Variants in PCDHA13 observed in about 807,000 individuals in gnomAD.
PCDHA13 encodes the protein protocadherin alpha 13.
In PCDHA13, 54 loss-of-function variants were observed where a neutral mutation model predicts 64.8. The ratio of observed to expected loss-of-function variants is 0.83; its 90% CI spans 0.67 to 1.04. The LOEUF is 1.04. PCDHA13 is among the 50% of genes least tolerant of loss of function. The pLI, the probability that PCDHA13 is intolerant of heterozygous loss-of-function variation, is 0.00. For synonymous variants in PCDHA13, 587 were observed against 564.4 expected (o/e 1.04, Z -0.57); for missense variants, 1,248 against 1,254.3 (o/e 0.99, Z 0.08).
chr5:140,902,637 C>T (rs1554190530), intron 1 of PCDHA13, among the ~76,000 whole-genome samples: 1 of 151,910 alleles, frequency 6.6e-6, no homozygotes, highest in Non-Finnish European at 1.5e-5. Context: ...GTGGTGATTT[C>T]TGAGATTTTG....
intron 2 of PCDHA13, among the ~76,000 whole-genome samples, chr5:140,979,642 A>G (rs1364696351): frequency 2.0e-5 from 3 of 152,188 alleles, no homozygotes; most frequent in South Asian, 2.1e-4. Flanking sequence ...ATTAAATATA[A>G]TTTTGCTTTC....
rs1554181105 is a variant in PCDHA13 at position 140,884,042 on chromosome 5, G to A, written c.1774G>A (p.Ala592Thr). 4 of 1,613,464 alleles carry A rather than the reference G, an allele frequency of 2.5e-6. No individual in the cohort carries two copies. Among genetic ancestry groups the A allele is most frequent in the Non-Finnish European group, 3.4e-6 (4 of 1,179,734 alleles). Residue 592 changes from alanine (A) to threonine (T), a missense_variant, in exon 1 of 4, where the codon GCG becomes ACG. Ala to Thr is a moderately conservative substitution (Grantham distance 58, BLOSUM62 0). Coordinates refer to ENST00000289272, the MANE Select transcript of PCDHA13 (RefSeq NM_018904.3). ...GTCGGTGGGTGCAGGCCACGTGGTG[G>A]CGAAGGTGCGCGCGGTGGACGCCGA... ...PRSVGAGHVV[A>T]KVRAVDADSG... is the part of the protein sequence containing the mutation.
intron 1 of PCDHA13, among the ~76,000 whole-genome samples, chr5:140,924,240 G>T (rs1554201838): frequency 2.6e-5 from 4 of 152,186 alleles, no homozygotes; most frequent in Non-Finnish European, 5.9e-5. Flanking sequence ...GGGCTGTTTT[G>T]CATCCTGGTG....
At chr5:140,995,452 G>C (rs1400573812) in intron 3 of PCDHA13, among the ~76,000 whole-genome samples, 1 of 152,098 alleles carries the variant, frequency 6.6e-6, no homozygotes, top group African/African-American at 2.4e-5. Context: ...CTTATGAATT[G>C]TTTATTTTTG....
Position 140,956,288 on chromosome 5 carries a change from C to A in PCDHA13, c.2395-22661C>A, listed in dbSNP as rs115259112. The stretch of plus-strand genomic sequence containing the variant: ...AGTGTGGTATTGGCTGTGGGTTTAT[C>A]ATATATATGGCTCTTATTATTTTGA... On this transcript the variant is annotated intron_variant, in intron 1 of 3. Transcript: ENST00000289272. Among the ~76,000 whole-genome samples, 994 of 152,174 alleles carry A rather than the reference C, an allele frequency of 6.5e-3. 6 individuals carry two copies. Among genetic ancestry groups the A allele is most frequent in the African/African-American group, 0.022 (916 of 41,532 alleles).
chr5:140,993,509 C>CAT (rs1488940144), intron 3 of PCDHA13, among the ~76,000 whole-genome samples: 3 of 143,600 alleles, frequency 2.1e-5, no homozygotes, highest in African/African-American at 7.8e-5. Flanking sequence ...CACACACACA[C>CAT]GGGGAGAGAG....
chr5:141,012,183 A>G lies in PCDHA13; in HGVS notation c.*2246A>G, dbSNP rs1554263839. The stretch of plus-strand genomic sequence containing the variant: ...TAATTTATTAATGATGATAATTATA[A>G]TGTATCTGTACAGCACTTTTTACAT... On this transcript the variant is annotated 3_prime_UTR_variant, in exon 4 of 4. Coordinates refer to ENST00000289272, the MANE Select transcript of PCDHA13 (RefSeq NM_018904.3). The G allele has an allele frequency of 6.5e-6, 1 of 153,782 alleles. No homozygotes were observed. Among genetic ancestry groups the G allele is most frequent in the Admixed American group, 6.5e-5 (1 of 15,280 alleles). 9.5% of individuals were successfully genotyped at this position (153,782 alleles called of 1,614,324 possible). A position where few individuals can be genotyped will look rare whatever the true frequency, so the allele number is the denominator to read the frequency against.
chr5:140,882,699 A>C lies in PCDHA13; in HGVS notation c.431A>C (p.Glu144Ala). The C allele has an allele frequency of 1.9e-6, 3 of 1,614,184 alleles. No homozygotes were observed. The highest frequency in any genetic ancestry group is 1.1e-5 in the South Asian group (1 of 91,084). ...AGCAAGAAACGAATAATCATTGCAG[A>C]ATCTAGACCTCCGGAAACTCGATTT... ...PESKKRIIIAESRPPETRFPL... is the reference protein window; with the variant it reads ...PESKKRIIIAASRPPETRFPL... The change falls in exon 1 of 4, where the codon GAA (glutamate) becomes GCA (alanine). Residue 144 changes from glutamate (E) to alanine (A), a missense_variant. Transcript: ENST00000289272.
chr5:140,986,736 A>C (rs1056820843), intron 3 of PCDHA13, among the ~76,000 whole-genome samples: 1 of 152,206 alleles, frequency 6.6e-6, no homozygotes, highest in South Asian at 2.1e-4. Context: ...TCAAGACCCC[A>C]GGGGATCTGG....
rs1354537383 is a variant in PCDHA13 at position 140,982,283 on chromosome 5, A to G, written c.2454-192A>G. On this transcript the variant is annotated intron_variant, in intron 2 of 3. Coordinates refer to ENST00000289272, the MANE Select transcript of PCDHA13 (RefSeq NM_018904.3). The stretch of plus-strand genomic sequence containing the variant: ...TGTTCCTGGAATAGTATAGCAGGCA[A>G]TAAGTAAGTCAGCAATGCTTCTGCA... 1.7e-5 allele frequency: 18 copies of G among 1,044,438 alleles called. No homozygotes were observed. In the East Asian group the frequency reaches 2.7e-4, roughly 16 times the overall value. 64.7% of individuals were successfully genotyped at this position (1,044,438 alleles called of 1,614,324 possible).
intron 1 of PCDHA13, among the ~76,000 whole-genome samples, chr5:140,932,345 C>G (rs1332373274): frequency 6.6e-6 from 1 of 151,820 alleles, no homozygotes; most frequent in African/African-American, 2.4e-5. Context: ...AAACACTTAC[C>G]ATACAACTGG....
intron 1 of PCDHA13, among the ~76,000 whole-genome samples, chr5:140,907,247 T>C (rs1328809549): frequency 1.3e-5 from 2 of 152,216 alleles, no homozygotes; most frequent in Non-Finnish European, 2.9e-5. Context: ...GACATTGTAA[T>C]TGTGACTTCA....
intron 1 of PCDHA13, among the ~76,000 whole-genome samples, chr5:140,892,670 A>G (rs35160890): frequency 0.3 from 45,256 of 152,112 alleles, 7,290 homozygotes; most frequent in East Asian, 0.53. Context: ...ATTTTGATAC[A>G]TATATACAAT....
intron 1 of PCDHA13, among the ~76,000 whole-genome samples, chr5:140,895,055 A>G (rs1313066261): frequency 6.6e-6 from 1 of 152,118 alleles, no homozygotes; most frequent in East Asian, 1.9e-4. Context: ...ATTCTGCTTC[A>G]TATGGACTCA....
At chr5:140,966,568 G>A (rs2096022635) in intron 1 of PCDHA13, 1 of 499,094 alleles carries the variant, frequency 2.0e-6, no homozygotes, top group African/African-American at 2.0e-5. Flanking sequence ...CTGGAATATG[G>A]GGAGTCAGCG....
chr5:140,956,540 G>A (rs1356910892), intron 1 of PCDHA13, among the ~76,000 whole-genome samples: 1 of 152,186 alleles, frequency 6.6e-6, no homozygotes, highest in Non-Finnish European at 1.5e-5. Context: ...TGTGCTGCTG[G>A]ATTTGGTTTG....
At chr5:140,989,013 G>A (rs1171400170) in intron 3 of PCDHA13, 1 of 152,208 alleles carries the variant, frequency 6.6e-6, no homozygotes, top group Non-Finnish European at 1.5e-5. Context: ...ACTTATTATA[G>A]TTTCTTCAGT....
intron 1 of PCDHA13, among the ~76,000 whole-genome samples, chr5:140,902,579 A>G (rs2069572489): frequency 6.6e-6 from 1 of 152,078 alleles, no homozygotes. Flanking sequence ...TAAGATTTCA[A>G]TAGTTTTGGG....
chr5:140,885,556 G>A (rs1317413722), intron 1 of PCDHA13, among the ~76,000 whole-genome samples: 22 of 152,018 alleles, frequency 1.4e-4, no homozygotes, highest in African/African-American at 5.3e-4. Flanking sequence ...TTATTTCTAC[G>A]AAATTGATTG....
Sources: gnomAD v4.1 joint callset for allele counts (sites outside exome capture counted in the v4.1 genomes callset) on GRCh38, gnomAD v4.1.1 for gene constraint, MANE v1.5 for transcripts, NCBI Gene and HGNC (gene_info 2026-07-23, HGNC 2026-07-21) for gene names.